IGSF11: variants seen among roughly 807,000 people sequenced by gnomAD.
IGSF11 encodes the protein immunoglobulin superfamily member 11, also known as CXADR like 1.
IGSF11 carries 22 observed loss-of-function variants against 41.0 expected under a neutral mutation model. The ratio of observed to expected loss-of-function variants is 0.54; its 90% CI spans 0.38 to 0.77. The LOEUF is 0.77. IGSF11 is among the 30% of genes least tolerant of loss of function. IGSF11 has a pLI of 0.00. For synonymous variants in IGSF11, 219 were observed against 201.3 expected, an observed-to-expected ratio of 1.09 and a Z score of -0.74; for missense variants, 444 against 530.8, an observed-to-expected ratio of 0.84 and a Z score of 1.61.
chr3:119,136,579 G>C (rs2077565346), intron 1 of IGSF11, among the ~76,000 whole-genome samples: 1 of 152,030 alleles, frequency 6.6e-6, no homozygotes, highest in Non-Finnish European at 1.5e-5. Flanking sequence ...AAGAGACAAA[G>C]AAGGTCACTA....
intron 1 of IGSF11, among the ~76,000 whole-genome samples, chr3:119,018,063 A>T (rs910742735): frequency 1.3e-5 from 2 of 152,136 alleles, no homozygotes; most frequent in Admixed American, 6.5e-5. Context: ...TTTCTTATTG[A>T]CTGGTAATCT....
At position 119,102,997 on chromosome 3, in the gene IGSF11, A is replaced by ATTTT. The variant is rs142951970; in HGVS notation, c.49+2143_49+2146dup. The stretch of plus-strand genomic sequence containing the variant: ...TTATATTTTAATTCATACTTGGCCA[A>ATTTT]TTTTTTTTTTTTTTTTTTGAGTTGG... On this transcript the variant is annotated intron_variant, in intron 1 of 6. Transcript: ENST00000354673. Among the ~76,000 whole-genome samples, 25 of 126,834 alleles carry ATTTT rather than the reference A, an allele frequency of 2.0e-4. 1 individual carries two copies. The highest frequency in any genetic ancestry group is 4.7e-4 in the African/African-American group (16 of 34,020). 83.2% of individuals were successfully genotyped at this position (126,834 alleles called of 152,430 possible). A position where few individuals can be genotyped will look rare whatever the true frequency, so the allele number is the denominator to read the frequency against.
chr3:118,989,104 G>C (rs1166268977), intron 1 of IGSF11, among the ~76,000 whole-genome samples: 1 of 152,152 alleles, frequency 6.6e-6, no homozygotes, highest in Non-Finnish European at 1.5e-5. Flanking sequence ...TTTTAACTAA[G>C]ATTTTGAGAG....
At chr3:119,083,523 C>A (rs202058524) in intron 1 of IGSF11, among the ~76,000 whole-genome samples, 8,152 of 124,968 alleles carry the variant, frequency 0.065, 338 homozygotes, top group Admixed American at 0.18. Context: ...CACACACACA[C>A]ACACACACAC....
chr3:118,921,730 G>A (rs1443512793), intron 4 of IGSF11, among the ~76,000 whole-genome samples: 2 of 152,154 alleles, frequency 1.3e-5, no homozygotes, highest in East Asian at 3.9e-4. Flanking sequence ...TTCTGTTTTT[G>A]TATAGAGAAT....
At chr3:118,968,724 A>G (rs1008305361) in intron 1 of IGSF11, among the ~76,000 whole-genome samples, 2 of 152,246 alleles carry the variant, frequency 1.3e-5, no homozygotes, top group Non-Finnish European at 2.9e-5. Context: ...AGGCCCCTTT[A>G]GAAAAGTATA....
intron 1 of IGSF11, among the ~76,000 whole-genome samples, chr3:119,075,596 A>G (rs2076481062): frequency 6.6e-6 from 1 of 152,208 alleles, no homozygotes; most frequent in Non-Finnish European, 1.5e-5. Context: ...TAGCAAACCA[A>G]ATCAAGCATC....
At chr3:118,911,279 A>G (rs1477043377) in intron 4 of IGSF11, among the ~76,000 whole-genome samples, 1 of 152,222 alleles carries the variant, frequency 6.6e-6, no homozygotes, top group African/African-American at 2.4e-5. Flanking sequence ...AAAAAACTCA[A>G]CTTCAGTTAG....
intron 4 of IGSF11, among the ~76,000 whole-genome samples, chr3:118,921,628 C>T (rs1941805779): frequency 6.6e-6 from 1 of 152,036 alleles, no homozygotes; most frequent in Non-Finnish European, 1.5e-5. Flanking sequence ...TATAAGAAAA[C>T]TAAGACACAA....
chr3:118,996,604 T>G (rs1282802259), intron 1 of IGSF11, among the ~76,000 whole-genome samples: 2 of 151,658 alleles, frequency 1.3e-5, no homozygotes, highest in Admixed American at 6.6e-5. Context: ...TTTTTTTTTG[T>G]TTTTGTTTTT....
intron 1 of IGSF11, among the ~76,000 whole-genome samples, chr3:119,049,347 A>G (rs2107429552): frequency 6.6e-6 from 1 of 152,068 alleles, no homozygotes; most frequent in South Asian, 2.1e-4. Flanking sequence ...ATTCCTATAC[A>G]CCAATAACAG....
At chr3:119,093,335 CA>C (rs925999106) in intron 1 of IGSF11, among the ~76,000 whole-genome samples, 36 of 152,132 alleles carry the variant, frequency 2.4e-4, no homozygotes, top group Admixed American at 2.0e-4. Flanking sequence ...AGCTCTGACC[CA>C]AACACACTAC....
chr3:119,025,662 T>C (rs974399067), intron 1 of IGSF11, among the ~76,000 whole-genome samples: 1 of 151,902 alleles, frequency 6.6e-6, no homozygotes, highest in Non-Finnish European at 1.5e-5. Context: ...ACAAAGCCCA[T>C]GAACTCTGAC....
At chr3:118,903,774 T>C (rs1939230860) in intron 6 of IGSF11, among the ~76,000 whole-genome samples, 1 of 152,138 alleles carries the variant, frequency 6.6e-6, no homozygotes, top group South Asian at 2.1e-4. Flanking sequence ...TCAATGAGGG[T>C]AGTAATCAGT....
At chr3:119,122,545 C>T (rs2077347654) in intron 1 of IGSF11, among the ~76,000 whole-genome samples, 1 of 152,218 alleles carries the variant, frequency 6.6e-6, no homozygotes, top group Admixed American at 6.5e-5. Context: ...TAGGGGAGCA[C>T]ATGACCTTAC....
intron 1 of IGSF11, chr3:118,944,952 C>G (rs1944003825): frequency 6.6e-6 from 1 of 152,140 alleles, no homozygotes; most frequent in Admixed American, 6.5e-5. Context: ...CTTAAAGCCT[C>G]TGAGGAATGC....
chr3:118,968,168 G>A (rs940325929), intron 1 of IGSF11, among the ~76,000 whole-genome samples: 1 of 152,144 alleles, frequency 6.6e-6, no homozygotes, highest in Non-Finnish European at 1.5e-5. Flanking sequence ...CCTAAAGAGA[G>A]GCATATGGCC....
At chr3:119,102,997 A>AT (rs142951970) in intron 1 of IGSF11, among the ~76,000 whole-genome samples, 15,801 of 126,764 alleles carry the variant, frequency 0.12, 1,129 homozygotes, top group Admixed American at 0.18. Flanking sequence ...TACTTGGCCA[A>AT]TTTTTTTTTT....
chr3:118,941,665 G>A (rs1485713420), intron 1 of IGSF11, among the ~76,000 whole-genome samples: 1 of 152,046 alleles, frequency 6.6e-6, no homozygotes, highest in African/African-American at 2.4e-5. Context: ...AAACCTATAT[G>A]CAAATGTTCA....
Sources: gnomAD v4.1 joint callset for allele counts (sites outside exome capture counted in the v4.1 genomes callset) on GRCh38, gnomAD v4.1.1 for gene constraint, MANE v1.5 for transcripts, NCBI Gene and HGNC (gene_info 2026-07-23, HGNC 2026-07-21) for gene names.